The following PHACTR4 variants were observed in gnomAD, a reference collection of about 807,000 sequenced individuals.
PHACTR4 encodes protein phosphatase 1, regulatory subunit 124.
A neutral mutation model predicts 72.7 loss-of-function variants in PHACTR4; 51 were observed. The ratio of observed to expected loss-of-function variants is 0.70; its 90% confidence interval spans 0.56 to 0.89. The LOEUF is 0.89. Ranked by LOEUF, PHACTR4 falls within the 40% of genes least tolerant of loss-of-function variation. The pLI is 0.00. For synonymous variants in PHACTR4, 255 were observed against 302.5 expected, an observed-to-expected ratio of 0.84 and a Z score of 1.63; for missense variants, 731 against 861.8, an observed-to-expected ratio of 0.85 and a Z score of 1.90.
At chr1:28,457,180 T>C (rs1439646350) in intron 2 of PHACTR4, 5 of 340,072 alleles carry the variant, frequency 1.5e-5, no homozygotes, top group Middle Eastern at 3.9e-4. Context: ...CTAACCTTTA[T>C]TGAAAAACTT....
At chr1:28,402,230 C>A (rs1177077699) in intron 1 of PHACTR4, among the ~76,000 whole-genome samples, 2 of 152,114 alleles carry the variant, frequency 1.3e-5, no homozygotes, top group African/African-American at 4.8e-5. Flanking sequence ...AAGTGCTTTA[C>A]ATCTGTTGCC....
chr1:28,459,088 A>G lies in PHACTR4; in HGVS notation c.20A>G (p.Glu7Gly), dbSNP rs1327264151. The change falls in exon 3 of 14, where the codon GAA (glutamate) becomes GGA (glycine). Residue 7 changes from glutamate (E) to glycine (G), a missense_variant. Glu to Gly is a moderately conservative substitution (Grantham distance 98). This residue lies in a region of PHACTR4 where 621 missense variants were observed against 676.6 expected (regional missense o/e 0.92). Coordinates refer to ENST00000373839, the MANE Select transcript of PHACTR4 (RefSeq NM_001048183.3). Reference protein sequence around the residue: MEDPFEEADQPTTEPGM... With the variant: MEDPFEGADQPTTEPGM... ...CTCTCTTCTTTTCATGTAACAGAGGAAGCAGACCAGCCCACTACAGAGCCA... is the reference window on the plus strand; with the variant it reads ...CTCTCTTCTTTTCATGTAACAGAGGGAGCAGACCAGCCCACTACAGAGCCA... The G allele has an allele frequency of 2.5e-6, 4 of 1,596,966 alleles. No homozygotes were observed. The South Asian group carries it at 4.5e-5, about 18-fold the overall frequency.
intron 10 of PHACTR4, 142 bp from the exon 11 acceptor site, chr1:28,490,809 C>G (rs534907275): frequency 2.8e-5 from 23 of 823,472 alleles, no homozygotes; most frequent in Middle Eastern, 3.2e-4. Context: ...TACCATTGCA[C>G]TCCAGCCTGG....
At position 28,438,221 on chromosome 1, in the gene PHACTR4, CAG is replaced by C. The variant is rs1557813620; in HGVS notation, c.17-20862_17-20861del. On this transcript the variant is annotated intron_variant, in intron 2 of 13. Transcript: ENST00000373839. ...GCAAGTGCTCAGGCTGTATGGGAAA[CAG>C]AAACTTCAGCAGATGAACTGACCTT... 27 of 1,369,986 alleles carry C rather than the reference CAG, an allele frequency of 2.0e-5. 1 individual carries two copies. In the South Asian group the frequency reaches 3.4e-4, roughly 17 times the overall value. The allele number at this position is 1,369,986 out of a possible 1,614,324, so 84.9% of individuals were successfully genotyped here.
intron 2 of PHACTR4, among the ~76,000 whole-genome samples, chr1:28,423,947 A>G (rs1394299556): frequency 6.6e-6 from 1 of 152,218 alleles, no homozygotes; most frequent in African/African-American, 2.4e-5. Flanking sequence ...CTTTTCACAC[A>G]TAACAGAGTA....
intron 2 of PHACTR4, among the ~76,000 whole-genome samples, chr1:28,441,318 A>G (rs1426573191): frequency 1.3e-5 from 2 of 151,856 alleles, no homozygotes; most frequent in Non-Finnish European, 2.9e-5. Flanking sequence ...GCCTCAATTG[A>G]TCCTCCCACC....
At chr1:28,373,233 A>G (rs1020290477) in intron 1 of PHACTR4, among the ~76,000 whole-genome samples, 1 of 152,172 alleles carries the variant, frequency 6.6e-6, no homozygotes, top group African/African-American at 2.4e-5. Flanking sequence ...TGCTGGGATT[A>G]TAGGCGTGAG....
chr1:28,397,078 A>G (rs1037228220), intron 1 of PHACTR4, among the ~76,000 whole-genome samples: 1 of 152,128 alleles, frequency 6.6e-6, no homozygotes, highest in Non-Finnish European at 1.5e-5. Flanking sequence ...AGGTTTCATT[A>G]TCTTGATGGT....
intron 1 of PHACTR4, among the ~76,000 whole-genome samples, chr1:28,370,215 G>A (rs893995213): frequency 1.3e-5 from 2 of 152,314 alleles, no homozygotes; most frequent in African/African-American, 2.4e-5. Context: ...TACAGTAACC[G>A]GATCGGGTCA....
At chr1:28,420,481 C>G (rs1017299925) in intron 2 of PHACTR4, among the ~76,000 whole-genome samples, 1 of 152,170 alleles carries the variant, frequency 6.6e-6, no homozygotes, top group Non-Finnish European at 1.5e-5. Flanking sequence ...TTTCCTGAGG[C>G]CTCCCCAGCC....
intron 2 of PHACTR4, among the ~76,000 whole-genome samples, chr1:28,416,055 G>A (rs1005278450): frequency 2.6e-5 from 4 of 152,076 alleles, no homozygotes; most frequent in Non-Finnish European, 4.4e-5. Context: ...ATGTTATGTT[G>A]TTATCACTTG....
At chr1:28,495,473 G>C (rs182115953) in intron 13 of PHACTR4, among the ~76,000 whole-genome samples, 16 of 152,150 alleles carry the variant, frequency 1.1e-4, no homozygotes, top group Non-Finnish European at 2.1e-4. Context: ...CATGTGTTTA[G>C]TTTGAGGAGC....
At chr1:28,402,074 A>G (rs926216314) in intron 1 of PHACTR4, among the ~76,000 whole-genome samples, 5 of 151,724 alleles carry the variant, frequency 3.3e-5, no homozygotes, top group African/African-American at 1.2e-4. Flanking sequence ...GGTGGAGGCA[A>G]TAAGACTTGG....
intron 8 of PHACTR4, among the ~76,000 whole-genome samples, chr1:28,476,751 C>T (rs1294313864): frequency 1.4e-5 from 2 of 142,134 alleles, no homozygotes; most frequent in African/African-American, 5.4e-5. Context: ...GACAGGGTCT[C>T]GTTAGGTTGC....
At chr1:28,385,894 C>T (rs1305785272) in intron 1 of PHACTR4, among the ~76,000 whole-genome samples, 3 of 151,782 alleles carry the variant, frequency 2.0e-5, no homozygotes, top group Non-Finnish European at 2.9e-5. Flanking sequence ...GGATTACAGA[C>T]GTAAGCCACC....
chr1:28,458,023 G>T (rs943012508), intron 2 of PHACTR4, among the ~76,000 whole-genome samples: 6 of 151,094 alleles, frequency 4.0e-5, no homozygotes, highest in Non-Finnish European at 7.4e-5. Flanking sequence ...CATTATGAGG[G>T]GTTCATGGCC....
rs745523134 is a variant in PHACTR4 at position 28,498,815 on chromosome 1, G to A, written c.*2266G>A. 7.2e-5 allele frequency: 11 copies of A among 152,020 alleles called. No homozygotes were observed. The highest frequency in any genetic ancestry group is 1.2e-4 in the Non-Finnish European group (8 of 68,010). 9.4% of individuals were successfully genotyped at this position (152,020 alleles called of 1,614,324 possible). A position where few individuals can be genotyped will look rare whatever the true frequency, so the allele number is the denominator to read the frequency against. ...AACAAAACCTAGGCCAGGCATGGTG[G>A]TTCACGCCTATAATCTCAGCACTTT... On this transcript the variant is annotated 3_prime_UTR_variant, in exon 14 of 14. Transcript: ENST00000373839.
chr1:28,385,916 G>T (rs991346131), intron 1 of PHACTR4, among the ~76,000 whole-genome samples: 6 of 151,724 alleles, frequency 4.0e-5, no homozygotes, highest in Admixed American at 6.6e-5. Context: ...CGCCCGGCTG[G>T]TTTTAAGTGA....
At chr1:28,466,881 G>T (rs1659215532) in intron 6 of PHACTR4, 113 bp downstream of exon 6, 4 of 1,438,500 alleles carry the variant, frequency 2.8e-6, no homozygotes, top group East Asian at 2.3e-5. Context: ...TCCATATCTT[G>T]TCCCTTTGAA....
Sources: gnomAD v4.1 joint callset for allele counts (sites outside exome capture counted in the v4.1 genomes callset) on GRCh38, gnomAD v4.1.1 for gene constraint, gnomAD v4.1.1 regional missense constraint, MANE v1.5 for transcripts, NCBI Gene and HGNC (gene_info 2026-07-23, HGNC 2026-07-21) for gene names.